Variants in NEK11 observed in about 807,000 individuals in gnomAD.
NEK11 encodes NIMA related kinase 11.
Under a neutral mutation model 80.7 loss-of-function variants are expected in NEK11, and 72 were observed. That is an observed-to-expected ratio of 0.89 (90% CI 0.74 to 1.08). NEK11 has a LOEUF of 1.08. NEK11 is among the 50% of genes least tolerant of loss of function. The pLI is 0.00. For missense variants in NEK11, 764 were observed against 763.6 expected, an observed-to-expected ratio of 1.00 and a Z score of -0.01; for synonymous variants, 251 against 260.7, an observed-to-expected ratio of 0.96 and a Z score of 0.36.
intron 4 of NEK11, among the ~76,000 whole-genome samples, chr3:131,099,244 C>T (rs2077980615): frequency 6.6e-6 from 1 of 152,164 alleles, no homozygotes. Flanking sequence ...TTCTCCATTC[C>T]TTGTTTTTGT....
At chr3:131,104,124 G>A (rs1468210355) in intron 4 of NEK11, among the ~76,000 whole-genome samples, 1 of 152,170 alleles carries the variant, frequency 6.6e-6, no homozygotes, top group Non-Finnish European at 1.5e-5. Context: ...CCATAGGATG[G>A]CTGTGGTGTG....
chr3:131,049,867 A>G (rs2068061151), intron 3 of NEK11, among the ~76,000 whole-genome samples: 1 of 152,222 alleles, frequency 6.6e-6, no homozygotes, highest in Non-Finnish European at 1.5e-5. Context: ...CATGTTATAA[A>G]TAACAAAAAC....
At chr3:131,106,115 C>A (rs899299795) in intron 4 of NEK11, among the ~76,000 whole-genome samples, 1 of 152,146 alleles carries the variant, frequency 6.6e-6, no homozygotes. Context: ...ATCATGCCAG[C>A]AGTCTATAGA....
intron 16 of NEK11, among the ~76,000 whole-genome samples, chr3:131,248,687 G>A (rs909795147): frequency 6.6e-6 from 1 of 152,038 alleles, no homozygotes; most frequent in Non-Finnish European, 1.5e-5. Flanking sequence ...TTGGCATGCA[G>A]GCTGTCTACC....
At chr3:131,275,150 AAGTG>A (rs1336132113) in intron 17 of NEK11, among the ~76,000 whole-genome samples, 3 of 152,154 alleles carry the variant, frequency 2.0e-5, no homozygotes, top group Non-Finnish European at 2.9e-5. Context: ...CAGAAATTGA[AAGTG>A]AGGGAGTATG....
At chr3:131,326,283 C>T (rs2096965294) in intron 17 of NEK11, 1 of 152,210 alleles carries the variant, frequency 6.6e-6, no homozygotes, top group South Asian at 2.1e-4. Flanking sequence ...CGTGCTGTAA[C>T]AGAATTCAAA....
At chr3:131,310,163 A>AG (rs2096767189) in intron 17 of NEK11, among the ~76,000 whole-genome samples, 1 of 152,166 alleles carries the variant, frequency 6.6e-6, no homozygotes, top group Non-Finnish European at 1.5e-5. Context: ...CTGTTGGGTG[A>AG]GTGAATAGAT....
chr3:131,224,924 TAG>T (rs2095145044), intron 14 of NEK11, among the ~76,000 whole-genome samples: 1 of 152,166 alleles, frequency 6.6e-6, no homozygotes, highest in South Asian at 2.1e-4. Flanking sequence ...GTTATTACAA[TAG>T]AGTCAAGAAG....
chr3:131,139,433 C>T (rs1175518907), intron 7 of NEK11, among the ~76,000 whole-genome samples: 1 of 150,638 alleles, frequency 6.6e-6, no homozygotes, highest in Admixed American at 6.6e-5. Context: ...AGTTATTGGC[C>T]TTAAAGAGGA....
chr3:131,206,501 G>T lies in NEK11; in HGVS notation c.1400-22027G>T, dbSNP rs142654489. Among the ~76,000 whole-genome samples, 517 of 152,192 alleles carry T rather than the reference G, an allele frequency of 3.4e-3. 2 individuals carry two copies. The highest frequency in any genetic ancestry group is 0.011 in the African/African-American group (475 of 41,530). ...AGTAAAACAGCTAATAAAAATATTA[G>T]AATCGTTAGGGTTCACTCTTAATTT... On this transcript the variant is annotated intron_variant, in intron 14 of 17. Transcript: ENST00000383366.
intron 7 of NEK11, among the ~76,000 whole-genome samples, chr3:131,145,346 AG>A (rs202097196): frequency 0.01 from 1,579 of 152,142 alleles, 20 homozygotes; most frequent in East Asian, 0.079. Context: ...ATCAAAGTAG[AG>A]TTATATCTCC....
chr3:131,347,871 A>G (rs760584649), intron 17 of NEK11, among the ~76,000 whole-genome samples: 11 of 152,044 alleles, frequency 7.2e-5, no homozygotes, highest in African/African-American at 2.2e-4. Context: ...CCTGGGAGGC[A>G]GAGGATGCAG....
At chr3:131,194,311 G>T (rs1221275409) in intron 14 of NEK11, among the ~76,000 whole-genome samples, 1 of 152,122 alleles carries the variant, frequency 6.6e-6, no homozygotes, top group Non-Finnish European at 1.5e-5. Context: ...GACACTTAAT[G>T]TACAATTGGA....
intron 3 of NEK11, among the ~76,000 whole-genome samples, chr3:131,039,554 C>G (rs778704543): frequency 4.6e-5 from 7 of 152,178 alleles, no homozygotes; most frequent in Admixed American, 6.5e-5. Context: ...TTACTCAGTC[C>G]TTTCCTTCTA....
intron 17 of NEK11, among the ~76,000 whole-genome samples, chr3:131,320,301 A>C (rs2096884109): frequency 1.3e-5 from 2 of 152,180 alleles, no homozygotes; most frequent in African/African-American, 4.8e-5. Flanking sequence ...AGTTAAGCAA[A>C]GAAAATTCTA....
intron 3 of NEK11, among the ~76,000 whole-genome samples, chr3:131,067,030 T>C (rs753205917): frequency 1.3e-5 from 2 of 152,198 alleles, no homozygotes; most frequent in African/African-American, 4.8e-5. Flanking sequence ...GTCTCATGTA[T>C]GGCGCTTACT....
At chr3:131,174,617 C>A in intron 14 of NEK11, 1 of 790,040 alleles carries the variant, frequency 1.3e-6, no homozygotes, top group Non-Finnish European at 2.0e-6. Context: ...CATGGGTAAC[C>A]ATTATAACCA....
chr3:131,280,682 A>G (rs1390735701), intron 17 of NEK11, among the ~76,000 whole-genome samples: 1 of 152,218 alleles, frequency 6.6e-6, no homozygotes, highest in Non-Finnish European at 1.5e-5. Context: ...GAGTACAGTT[A>G]TACTAATTAT....
rs756406910 is a variant in NEK11 at position 131,349,571 on chromosome 3, A to G, written c.1733A>G (p.Lys578Arg). The change falls in exon 18 of 18, where the codon AAG (lysine) becomes AGG (arginine). Residue 578 changes from lysine (K) to arginine (R), a missense_variant. Coordinates refer to ENST00000383366, the MANE Select transcript of NEK11 (RefSeq NM_024800.5). ...TTTTTTGACAGATCAGCCATGCAGA[A>G]GCTGGGGACAGAAGTATTTGAAGAG... ...MKRMRESAMQ[K>R]LGTEVFEEVY... The G allele has an allele frequency of 2.5e-5, 41 of 1,613,964 alleles. No homozygotes were observed. Among genetic ancestry groups the G allele is most frequent in the Non-Finnish European group, 3.2e-5 (38 of 1,179,894 alleles).
Sources: gnomAD v4.1 joint callset for allele counts (sites outside exome capture counted in the v4.1 genomes callset) on GRCh38, gnomAD v4.1.1 for gene constraint, MANE v1.5 for transcripts, NCBI Gene and HGNC (gene_info 2026-07-23, HGNC 2026-07-21) for gene names.